The following CLTRN variants were observed in gnomAD, a reference collection of about 807,000 sequenced individuals.
The protein encoded by CLTRN is collectrin, amino acid transport regulator.
A neutral mutation model predicts 14.5 loss-of-function variants in CLTRN; 12 were observed. The ratio of observed to expected loss-of-function variants is 0.83; its 90% confidence interval spans 0.53 to 1.34. The LOEUF (loss-of-function observed/expected upper bound fraction) is 1.34. Among genes scored for constraint, CLTRN ranks in the 40% most tolerant of loss-of-function variants. The pLI is 0.00. For missense variants in CLTRN, 154 were observed against 165.1 expected (o/e 0.93, Z 0.37); for synonymous variants, 58 against 56.5 (o/e 1.03, Z -0.12).
In CLTRN at chrX:15,639,612, G is replaced by C. The variant is rs151216585; in HGVS notation, c.462C>G (p.Ile154Met). ...AAATCAGTAGTGCAATTGCAACTAT[G>C]ATGATGCAAAATATCACACCAAATA... Reference protein sequence around the residue: ...IIIFGVIFCIIIVAIALLILS... With the variant: ...IIIFGVIFCIMIVAIALLILS... Residue 154 changes from isoleucine to methionine, a missense_variant, in exon 5 of 6, where the codon ATC becomes ATG. Coordinates refer to ENST00000380342, the MANE Select transcript of CLTRN (RefSeq NM_020665.6). 132 of 1,208,211 alleles carry C rather than the reference G, an allele frequency of 1.1e-4. No homozygotes were observed. Among genetic ancestry groups the C allele is most frequent in the Non-Finnish European group, 1.4e-4 (122 of 893,983 alleles).
At position 15,664,745 on chromosome X, in the gene CLTRN, C is replaced by T; in HGVS notation, c.31G>A (p.Ala11Thr). MLWLLFFLVT[A>T]IHAELCQPGA... Reference sequence around the variant, plus strand: ...GGTTGACAGAGTTCAGCATGAATGGCAGTCACCAGAAAAAAGAGCAGCCAC... The same window carrying T: ...GGTTGACAGAGTTCAGCATGAATGGTAGTCACCAGAAAAAAGAGCAGCCAC... Residue 11 changes from alanine to threonine, a missense_variant, in exon 1 of 6, where the codon GCC (alanine) becomes ACC (threonine). Transcript: ENST00000380342. 8.3e-7 allele frequency: 1 copy of T among 1,209,259 alleles called. No individual in the cohort carries two copies.
chrX:15,660,410 C>T (rs1382655251), intron 2 of CLTRN, among the ~76,000 whole-genome samples: 2 of 110,649 alleles, frequency 1.8e-5, no homozygotes, highest in Non-Finnish European at 3.8e-5. Context: ...CTGCCTTGGC[C>T]TCTGTAACAT....
intron 3 of CLTRN, among the ~76,000 whole-genome samples, chrX:15,654,696 A>C (rs1451449902): frequency 1.8e-5 from 2 of 112,627 alleles, no homozygotes; most frequent in African/African-American, 6.5e-5. Context: ...ATTTTGAAAG[A>C]GTTGTCTTGT....
At position 15,659,063 on chromosome X, in the gene CLTRN, C is replaced by T. The variant is rs191037620; in HGVS notation, c.156G>A (p.Ala52=). The part of the protein sequence containing the change: ...WDTNEEYLFK[A]MVAFSMRKVP... Reference sequence around the variant, plus strand: ...CTTTTCTCATGGAGAAAGCTACCATCGCTTTGAAGAGGTATTCTTCATTGG... The same window carrying T: ...CTTTTCTCATGGAGAAAGCTACCATTGCTTTGAAGAGGTATTCTTCATTGG... The change falls in exon 3 of 6, where the codon GCG becomes GCA. Residue 52 remains alanine, a synonymous_variant. Transcript: ENST00000380342. 343 of 1,179,017 alleles carry T rather than the reference C, an allele frequency of 2.9e-4. 6 individuals are homozygous for T. The East Asian group carries it at 9.4e-3, about 32-fold the overall frequency.
chrX:15,656,515 CCTGAAGCTATCCTGGAAAGG>C (rs1344690686), intron 3 of CLTRN, among the ~76,000 whole-genome samples: 1 of 111,312 alleles, frequency 9.0e-6, no homozygotes, highest in East Asian at 2.8e-4. Context: ...AAACTTGGAT[CCTGAAGCTATCCTGGAAAGG>C]AATATTTGCC....
intron 3 of CLTRN, among the ~76,000 whole-genome samples, chrX:15,651,661 T>A (rs1280208993): frequency 9.0e-6 from 1 of 111,558 alleles, no homozygotes; most frequent in African/African-American, 3.3e-5. Context: ...ATTTCTCTTG[T>A]GCCCTGGGAC....
intron 1 of CLTRN, among the ~76,000 whole-genome samples, chrX:15,670,879 AGTGTGTGTGTGTGTGTGT>A (rs543420208): frequency 0.028 from 2,417 of 85,007 alleles, 48 homozygotes; most frequent in African/African-American, 0.057. Context: ...AAGGGAGACA[AGTGTGTGTGTGTGTGTGT>A]GTGTGTGTGT....
At chrX:15,654,580 C>T (rs970057014) in intron 3 of CLTRN, among the ~76,000 whole-genome samples, 5 of 112,503 alleles carry the variant, frequency 4.4e-5, no homozygotes, top group Non-Finnish European at 9.4e-5. Flanking sequence ...ACTAATGAAA[C>T]CAGAGCTTTC....
chrX:15,642,139 T>C (rs1928957881), intron 4 of CLTRN, among the ~76,000 whole-genome samples: 1 of 112,371 alleles, frequency 8.9e-6, no homozygotes, highest in Non-Finnish European at 1.9e-5. Flanking sequence ...TGCATTCTCA[T>C]TCTATCTTCC....
At chrX:15,658,510 T>C (rs1295763798) in intron 3 of CLTRN, among the ~76,000 whole-genome samples, 2 of 111,509 alleles carry the variant, frequency 1.8e-5, no homozygotes, top group African/African-American at 6.5e-5. Context: ...TCATCACAAA[T>C]AGAGAAAGAA....
intron 5 of CLTRN, among the ~76,000 whole-genome samples, chrX:15,637,598 C>T (rs1436525452): frequency 8.9e-6 from 1 of 111,862 alleles, no homozygotes; most frequent in Non-Finnish European, 1.9e-5. Flanking sequence ...TATGATGCTA[C>T]ACACCCAATT....
chrX:15,646,976 A>G, intron 3 of CLTRN: 2 of 254,350 alleles, frequency 7.9e-6, no homozygotes, highest in South Asian at 7.4e-5. Flanking sequence ...CGTTGTCTCA[A>G]TCCTTCCTGG....
intron 5 of CLTRN, among the ~76,000 whole-genome samples, chrX:15,629,878 C>T: frequency 8.9e-6 from 1 of 111,876 alleles, no homozygotes; most frequent in East Asian, 2.8e-4. Flanking sequence ...CTGAGTAGAT[C>T]ACATATATGT....
Position 15,639,553 on chromosome X carries a change from A to G in CLTRN, c.512+9T>C, listed in dbSNP as rs769147849. ...ATGCTCTTTCAATCACTCCTTTTAA[A>G]TATCTTACCTTCTACGTTGCCAGAT... On this transcript the variant is annotated intron_variant, in intron 5 of 5. Coordinates refer to ENST00000380342, the MANE Select transcript of CLTRN (RefSeq NM_020665.6). 30 of 1,194,275 alleles carry G rather than the reference A, an allele frequency of 2.5e-5. No homozygotes were observed. The South Asian group carries it at 5.5e-4, about 22-fold the overall frequency.
chrX:15,649,273 T>C (rs1376772519), intron 3 of CLTRN, among the ~76,000 whole-genome samples: 6 of 112,201 alleles, frequency 5.3e-5, no homozygotes, highest in South Asian at 3.7e-4. Context: ...ATACCATGAA[T>C]TCAAGTTCTT....
intron 4 of CLTRN, among the ~76,000 whole-genome samples, chrX:15,641,257 A>G (rs1161130745): frequency 7.2e-5 from 8 of 111,697 alleles, no homozygotes; most frequent in Non-Finnish European, 1.5e-4. Flanking sequence ...TTCTAACTGT[A>G]AACTGGAGAG....
At chrX:15,659,192 CCACACACA>C (rs374840378) in intron 2 of CLTRN, 91 bp from the exon 3 acceptor site, 6 of 329,040 alleles carry the variant, frequency 1.8e-5, no homozygotes, top group Non-Finnish European at 2.9e-5. Flanking sequence ...CTCTCTCTCT[CCACACACA>C]CACACACACA....
At chrX:15,663,193 T>C (rs1052165797) in intron 2 of CLTRN, among the ~76,000 whole-genome samples, 6 of 112,111 alleles carry the variant, frequency 5.4e-5, no homozygotes, top group South Asian at 3.7e-4. Flanking sequence ...ATTTAATAGA[T>C]GACCAATTCT....
chrX:15,639,995 G>T (rs889367264), intron 4 of CLTRN, among the ~76,000 whole-genome samples: 9 of 112,107 alleles, frequency 8.0e-5, no homozygotes, highest in Admixed American at 2.8e-4. Context: ...CCATTGTTGT[G>T]AATGTCCAGA....
Sources: allele counts gnomAD v4.1 joint callset (sites outside exome capture counted in the v4.1 genomes callset), GRCh38; gene constraint gnomAD v4.1.1; transcripts MANE v1.5; gene names NCBI Gene and HGNC (gene_info 2026-07-23, HGNC 2026-07-21).